Variants in DENND1A observed in about 807,000 individuals in gnomAD.
DENND1A encodes DENN domain containing 1A.
In DENND1A, 51 loss-of-function variants were observed where a neutral mutation model predicts 113.7. That is an observed-to-expected ratio of 0.45 (90% CI 0.36 to 0.57). The LOEUF (loss-of-function observed/expected upper bound fraction) is 0.57, where lower values mean the gene tolerates loss of function less well. Among genes scored for constraint, DENND1A ranks in the 20% least tolerant of loss-of-function variants. The pLI, the probability that DENND1A is intolerant of heterozygous loss-of-function variation, is 0.00. For missense variants in DENND1A, 1,258 were observed against 1,395.9 expected (o/e 0.90, Z 1.57); for synonymous variants, 565 against 570.8 (o/e 0.99, Z 0.14).
intron 19 of DENND1A, among the ~76,000 whole-genome samples, chr9:123,437,324 G>T (rs1413311855): frequency 6.6e-6 from 1 of 152,220 alleles, no homozygotes; most frequent in Admixed American, 6.5e-5. Flanking sequence ...TCTCTCCCCT[G>T]GCAGTAGCAG....
chr9:123,414,531 C>T, intron 19 of DENND1A: 1 of 1,548,930 alleles, frequency 6.5e-7, no homozygotes, highest in Non-Finnish European at 8.7e-7. Context: ...GGTTCCCCAG[C>T]CAGGCAAATC....
intron 10 of DENND1A, among the ~76,000 whole-genome samples, chr9:123,624,134 A>C (rs1274848206): frequency 1.3e-5 from 2 of 152,198 alleles, no homozygotes; most frequent in African/African-American, 4.8e-5. Context: ...ACAGGAGATA[A>C]TAGTTTTCAG....
At chr9:123,539,717 A>G (rs1266112107) in intron 13 of DENND1A, among the ~76,000 whole-genome samples, 1 of 152,076 alleles carries the variant, frequency 6.6e-6, no homozygotes, top group East Asian at 1.9e-4. Context: ...CCCCATCTCC[A>G]CTAAAAATAC....
intron 13 of DENND1A, among the ~76,000 whole-genome samples, chr9:123,547,974 C>G (rs2135792375): frequency 6.6e-6 from 1 of 152,314 alleles, no homozygotes; most frequent in South Asian, 2.1e-4. Flanking sequence ...TCTCAAGAGT[C>G]CTGCTAGCTA....
In DENND1A at chr9:123,464,994, CAAAAAAAAAAA is replaced by C. The variant is rs10655282; in HGVS notation, c.994-7108_994-7098del. 6.5e-4 allele frequency among the ~76,000 whole-genome samples: 46 copies of C among 70,562 alleles called. No homozygotes were observed. In the Middle Eastern group the frequency reaches 0.031, roughly 47 times the overall value. The allele number at this position is 70,562 out of a possible 152,430, so 46.3% of individuals were successfully genotyped here. A position where few individuals can be genotyped will look rare whatever the true frequency, so the allele number is the denominator to read the frequency against. The stretch of plus-strand genomic sequence containing the variant: ...CAAAAACCCATTTCTACTAAAAATA[CAAAAAAAAAAA>C]AAAAAAAAAAAAAATTAGCCAGGCG... On this transcript the variant is annotated intron_variant, in intron 13 of 23. Transcript: ENST00000394215.
At position 123,841,498 on chromosome 9, in the gene DENND1A, A is replaced by G. The variant is rs1841831074; in HGVS notation, c.88+37453T>C. On this transcript the variant is annotated intron_variant, in intron 2 of 23. Transcript: ENST00000394215. ...GAGATCTGGTCATACAGTGGTGAAG[A>G]AAATACTGGGTGATCACTACCCTCA... 2.0e-5 allele frequency among the ~76,000 whole-genome samples: 3 copies of G among 152,204 alleles called. No homozygotes were observed. The South Asian group carries it at 6.2e-4, about 31-fold the overall frequency.
intron 19 of DENND1A, among the ~76,000 whole-genome samples, chr9:123,423,430 C>T (rs1397207071): frequency 6.6e-6 from 1 of 152,206 alleles, no homozygotes; most frequent in East Asian, 1.9e-4. Context: ...TCTGCAGGAA[C>T]ACATGGCTGT....
intron 1 of DENND1A, among the ~76,000 whole-genome samples, chr9:123,882,486 C>A (rs780331482): frequency 3.3e-5 from 5 of 152,058 alleles, no homozygotes; most frequent in African/African-American, 9.7e-5. Context: ...CACAGTCAAC[C>A]AATCAGAAAA....
chr9:123,698,709 C>T (rs768626577), intron 5 of DENND1A, among the ~76,000 whole-genome samples: 3 of 152,200 alleles, frequency 2.0e-5, no homozygotes, highest in Non-Finnish European at 4.4e-5. Flanking sequence ...TATAGAAATG[C>T]CCATCATGGT....
intron 3 of DENND1A, among the ~76,000 whole-genome samples, chr9:123,784,835 C>T (rs1831869311): frequency 6.6e-6 from 1 of 152,268 alleles, no homozygotes; most frequent in African/African-American, 2.4e-5. Flanking sequence ...ACTGTAACAG[C>T]TGGGGAGTGA....
intron 5 of DENND1A, among the ~76,000 whole-genome samples, chr9:123,731,257 TA>T (rs896961095): frequency 6.6e-5 from 10 of 151,824 alleles, no homozygotes; most frequent in Non-Finnish European, 1.0e-4. Context: ...AAGTATAATT[TA>T]AAAAAAAATT....
intron 1 of DENND1A, among the ~76,000 whole-genome samples, chr9:123,902,306 A>G (rs1851799737): frequency 6.6e-6 from 1 of 152,204 alleles, no homozygotes; most frequent in Non-Finnish European, 1.5e-5. Context: ...AATTACACAC[A>G]AAAAGTTCAG....
At chr9:123,732,546 C>T (rs1246719553) in intron 5 of DENND1A, among the ~76,000 whole-genome samples, 1 of 152,016 alleles carries the variant, frequency 6.6e-6, no homozygotes, top group Non-Finnish European at 1.5e-5. Flanking sequence ...CACACAGGGG[C>T]AACACAAGAG....
At chr9:123,833,467 T>C (rs1840586889) in intron 2 of DENND1A, among the ~76,000 whole-genome samples, 1 of 152,082 alleles carries the variant, frequency 6.6e-6, no homozygotes, top group African/African-American at 2.4e-5. Flanking sequence ...AAATGTGAAA[T>C]TTCCTATAAT....
chr9:123,651,897 G>T, intron 9 of DENND1A, 116 bp downstream of exon 9: 1 of 710,192 alleles, frequency 1.4e-6, no homozygotes, highest in Non-Finnish European at 2.2e-6. Flanking sequence ...ATGACATGCT[G>T]CCATATAAGG....
chr9:123,667,697 A>G (rs536038569), intron 7 of DENND1A, among the ~76,000 whole-genome samples: 1 of 152,356 alleles, frequency 6.6e-6, no homozygotes, highest in East Asian at 1.9e-4. Context: ...TTTATTGTTC[A>G]GTGAGGCAAG....
At position 123,381,748 on chromosome 9, in the gene DENND1A, G is replaced by A. The variant is rs1027679666; in HGVS notation, c.2897C>T (p.Thr966Met). The change falls in exon 24 of 24, where the codon ACG (threonine) becomes ATG (methionine). Residue 966 changes from threonine (T) to methionine (M), a missense_variant. By Grantham distance (81) the Thr-to-Met change is moderately conservative. Transcript: ENST00000394215. This position sits in a 1 kb window ranked among gnomAD's most constrained non-coding sequence, Gnocchi z 4.7. The stretch of plus-strand genomic sequence containing the variant: ...GGGACCCAGCGGCTGTAGGGGGCTC[G>A]TGTGGGTGCCCATGGGCATCTGGCC... Reference protein sequence around the residue: ...LFGQMPMGTHTSPLQPLGPPA... With the variant: ...LFGQMPMGTHMSPLQPLGPPA... The A allele has an allele frequency of 5.9e-6, 9 of 1,512,954 alleles. No homozygotes were observed. The highest frequency in any genetic ancestry group is 2.8e-5 in the African/African-American group (2 of 71,474). The allele number at this position is 1,512,954 out of a possible 1,614,324, so 93.7% of individuals were successfully genotyped here.
At chr9:123,794,069 T>C (rs371163180) in intron 2 of DENND1A, among the ~76,000 whole-genome samples, 2 of 152,202 alleles carry the variant, frequency 1.3e-5, no homozygotes, top group Non-Finnish European at 2.9e-5. Context: ...GCTTCCCTGA[T>C]AGGCAGCAGT....
At chr9:123,903,805 G>A (rs907017945) in intron 1 of DENND1A, among the ~76,000 whole-genome samples, 3 of 152,154 alleles carry the variant, frequency 2.0e-5, no homozygotes, top group East Asian at 3.8e-4. Flanking sequence ...AGGGGCGCCC[G>A]CCATTGCCCA....
Sources: gnomAD v4.1 joint callset for allele counts (sites outside exome capture counted in the v4.1 genomes callset) on GRCh38, gnomAD v4.1.1 for gene constraint, Gnocchi (gnomAD v3.1) non-coding constraint, MANE v1.5 for transcripts, NCBI Gene and HGNC (gene_info 2026-07-23, HGNC 2026-07-21) for gene names.